The following NRXN3 variants were observed in gnomAD, a reference collection of about 807,000 sequenced individuals.
NRXN3 encodes neurexin III.
In NRXN3, 32 loss-of-function variants were observed where a neutral mutation model predicts 137.6. The observed-to-expected ratio is 0.23, with a 90% CI of 0.18 to 0.31. NRXN3 has a LOEUF of 0.31. Among genes scored for constraint, NRXN3 ranks in the 10% least tolerant of loss-of-function variants. The probability of loss-of-function intolerance (pLI) is 1.00; values close to 1 mark genes in which losing one functional copy is unlikely to be tolerated. For missense variants in NRXN3, 1,574 were observed against 2,062.5 expected, an observed-to-expected ratio of 0.76 and a Z score of 4.59; for synonymous variants, 798 against 784.5, an observed-to-expected ratio of 1.02 and a Z score of -0.29.
Position 78,243,936 on chromosome 14 carries a change from A to T in NRXN3, c.709+134A>T. On this transcript the variant is annotated intron_variant, in intron 2 of 20. Coordinates refer to ENST00000335750, the MANE Select transcript of NRXN3 (RefSeq NM_001330195.2). The surrounding 1 kb of genome is among the most constrained non-coding windows in gnomAD (Gnocchi z 4.2). ...GATCACTGGGCCCCTTGCCCTAAGG[A>T]GGCAGTGGAAATCCTTTGCCTACTC... is the stretch of plus-strand genomic sequence containing the variant. 1 of 671,850 alleles carries T rather than the reference A, an allele frequency of 1.5e-6. No individual in the cohort carries two copies. Among genetic ancestry groups the T allele is most frequent in the Non-Finnish European group, 2.5e-6 (1 of 400,392 alleles). The allele number at this position is 671,850 out of a possible 1,614,324, so 41.6% of individuals were successfully genotyped here. A position where few individuals can be genotyped will look rare whatever the true frequency, so the allele number is the denominator to read the frequency against.
chr14:78,957,159 C>A (rs1171078156), intron 10 of NRXN3, 83 bp from the exon 11 acceptor site: 3 of 1,429,040 alleles, frequency 2.1e-6, no homozygotes, highest in African/African-American at 2.8e-5. Context: ...GGGTCATGTG[C>A]ACCAGTGTGG....
intron 16 of NRXN3, among the ~76,000 whole-genome samples, chr14:79,483,641 C>A (rs547356593): frequency 1.1e-4 from 17 of 152,214 alleles, no homozygotes; most frequent in South Asian, 6.2e-4. Context: ...CATAGTGACT[C>A]CCAAGGATGT....
At chr14:78,476,540 A>T (rs892558239) in intron 4 of NRXN3, among the ~76,000 whole-genome samples, 1 of 152,136 alleles carries the variant, frequency 6.6e-6, no homozygotes, top group Non-Finnish European at 1.5e-5. Context: ...AAGAGAAATA[A>T]TTTTTTGTTT....
At chr14:79,794,591 T>C (rs1043577516) in intron 19 of NRXN3, among the ~76,000 whole-genome samples, 1 of 152,118 alleles carries the variant, frequency 6.6e-6, no homozygotes, top group African/African-American at 2.4e-5. Context: ...GATGTCAGTG[T>C]TCCTACTCAG....
intron 15 of NRXN3, among the ~76,000 whole-genome samples, chr14:79,382,028 A>G (rs1465685516): frequency 1.3e-5 from 2 of 152,340 alleles, no homozygotes; most frequent in Non-Finnish European, 2.9e-5. Flanking sequence ...TTAGTGGATT[A>G]TAATTTTGGC....
intron 15 of NRXN3, among the ~76,000 whole-genome samples, chr14:79,059,598 C>G (rs4903816): frequency 0.63 from 96,089 of 152,042 alleles, 30,697 homozygotes; most frequent in East Asian, 0.81. Flanking sequence ...GATGCTTGTT[C>G]TCCTTCTCTG....
intron 15 of NRXN3, among the ~76,000 whole-genome samples, chr14:79,443,614 C>A (rs538188684): frequency 6.6e-6 from 1 of 152,234 alleles, no homozygotes; most frequent in African/African-American, 2.4e-5. Context: ...AGAGGTAAAC[C>A]AATAGGCTCA....
chr14:79,192,403 G>A lies in NRXN3; in HGVS notation c.3262+204262G>A, dbSNP rs563348867. On this transcript the variant is annotated intron_variant, in intron 15 of 20. Coordinates refer to ENST00000335750, the MANE Select transcript of NRXN3 (RefSeq NM_001330195.2). ...TCTTGTCTCACCGAGGAACCATCAG[G>A]AGGTGTAGGTAATATGCAACCTTGA... Among the ~76,000 whole-genome samples the A allele has an allele frequency of 3.3e-5, 5 of 152,248 alleles. No individual in the cohort carries two copies. The East Asian group carries it at 9.7e-4, about 29-fold the overall frequency.
chr14:79,622,930 A>G (rs1389424029), intron 16 of NRXN3, among the ~76,000 whole-genome samples: 1 of 152,162 alleles, frequency 6.6e-6, no homozygotes, highest in Admixed American at 6.5e-5. Context: ...ATTATTATTG[A>G]GTATCTATTA....
intron 2 of NRXN3, among the ~76,000 whole-genome samples, chr14:78,272,868 G>A (rs561921724): frequency 2.6e-5 from 4 of 152,056 alleles, no homozygotes; most frequent in African/African-American, 7.2e-5. Flanking sequence ...ATAAGATGAT[G>A]CATATGACCT....
chr14:79,804,665 C>T (rs556070370), intron 19 of NRXN3, among the ~76,000 whole-genome samples: 3 of 152,292 alleles, frequency 2.0e-5, no homozygotes, highest in East Asian at 3.9e-4. Context: ...ACAACTACCA[C>T]GGCATACACT....
intron 15 of NRXN3, among the ~76,000 whole-genome samples, chr14:79,053,259 G>A (rs2099644578): frequency 1.3e-5 from 2 of 152,182 alleles, no homozygotes; most frequent in Admixed American, 1.3e-4. Context: ...ACAGCTTGAT[G>A]TATGTTAACT....
At chr14:78,423,903 T>C (rs532000524) in intron 4 of NRXN3, among the ~76,000 whole-genome samples, 36 of 152,320 alleles carry the variant, frequency 2.4e-4, no homozygotes, top group Non-Finnish European at 4.3e-4. Flanking sequence ...TAAGGAAATA[T>C]TGTTCCCGTA....
At chr14:78,425,034 T>TGA (rs2093607555) in intron 4 of NRXN3, among the ~76,000 whole-genome samples, 1 of 152,222 alleles carries the variant, frequency 6.6e-6, no homozygotes, top group South Asian at 2.1e-4. Context: ...GAGATGGATC[T>TGA]ACAAATTGGA....
chr14:79,071,545 A>G (rs1171651797), intron 15 of NRXN3, among the ~76,000 whole-genome samples: 1 of 152,186 alleles, frequency 6.6e-6, no homozygotes, highest in African/African-American at 2.4e-5. Context: ...AGTCAGTGAA[A>G]ACAACTTTGG....
chr14:78,275,198 T>C (rs2073398300), intron 2 of NRXN3, among the ~76,000 whole-genome samples: 1 of 152,226 alleles, frequency 6.6e-6, no homozygotes, highest in Non-Finnish European at 1.5e-5. Context: ...TCTTCATGGC[T>C]CCAATCACTA....
At chr14:79,591,856 T>C (rs1043314199) in intron 16 of NRXN3, among the ~76,000 whole-genome samples, 13 of 152,218 alleles carry the variant, frequency 8.5e-5, no homozygotes, top group African/African-American at 1.7e-4. Flanking sequence ...ACCCGATTTC[T>C]TACACTGAAA....
At chr14:79,808,272 A>G (rs970442740) in intron 20 of NRXN3, among the ~76,000 whole-genome samples, 10 of 145,516 alleles carry the variant, frequency 6.9e-5, no homozygotes, top group African/African-American at 1.8e-4. Context: ...ATATATATAT[A>G]TATGTATGTA....
intron 6 of NRXN3, among the ~76,000 whole-genome samples, chr14:78,707,019 G>A (rs1383674885): frequency 6.6e-6 from 1 of 152,150 alleles, no homozygotes; most frequent in African/African-American, 2.4e-5. Context: ...TTTTGGAGAT[G>A]ATAATGCAAC....
Sources: allele counts gnomAD v4.1 joint callset (sites outside exome capture counted in the v4.1 genomes callset), GRCh38; gene constraint gnomAD v4.1.1; non-coding constraint Gnocchi (gnomAD v3.1); transcripts MANE v1.5; gene names NCBI Gene and HGNC (gene_info 2026-07-23, HGNC 2026-07-21).